The following CCNY variants were observed in gnomAD, a reference collection of about 807,000 sequenced individuals.
CCNY encodes cyclin-Y.
CCNY carries 19 observed loss-of-function variants against 42.8 expected under a neutral mutation model. The observed-to-expected ratio is 0.44, with a 90% confidence interval of 0.31 to 0.65. The LOEUF is 0.65. Ranked by LOEUF, CCNY falls within the 30% of genes least tolerant of loss-of-function variation. The pLI is 0.07. For synonymous variants in CCNY, 165 were observed against 162.7 expected, an observed-to-expected ratio of 1.01 and a Z score of -0.11; for missense variants, 370 against 437.3, an observed-to-expected ratio of 0.85 and a Z score of 1.37.
chr10:35,348,146 A>G (rs1438802173), intron 1 of CCNY, among the ~76,000 whole-genome samples: 2 of 152,212 alleles, frequency 1.3e-5, no homozygotes, highest in African/African-American at 2.4e-5. Flanking sequence ...TAAGCAGTTT[A>G]TATAGCATTA....
At chr10:35,536,098 A>G (rs1032562379) in intron 7 of CCNY, among the ~76,000 whole-genome samples, 6 of 152,110 alleles carry the variant, frequency 3.9e-5, no homozygotes, top group African/African-American at 1.2e-4. Flanking sequence ...AACTCCCATT[A>G]TTGTGGGAGG....
intron 1 of CCNY, among the ~76,000 whole-genome samples, chr10:35,394,164 A>C (rs1837474609): frequency 6.6e-6 from 1 of 152,220 alleles, no homozygotes; most frequent in Non-Finnish European, 1.5e-5. Context: ...GTGGCTAGAA[A>C]TGGCCTTGTG....
intron 3 of CCNY, among the ~76,000 whole-genome samples, chr10:35,503,660 C>T (rs1840156972): frequency 6.6e-6 from 1 of 152,192 alleles, no homozygotes; most frequent in Non-Finnish European, 1.5e-5. Flanking sequence ...GTGCCAGGCT[C>T]TGCTGTAATT....
intron 3 of CCNY, among the ~76,000 whole-genome samples, chr10:35,317,007 G>C (rs1217825196): frequency 6.6e-6 from 1 of 152,096 alleles, no homozygotes; most frequent in Non-Finnish European, 1.5e-5. Context: ...CACCACGCCC[G>C]GCTAATTTTT....
intron 3 of CCNY, among the ~76,000 whole-genome samples, chr10:35,504,453 A>T (rs1022850731): frequency 5.3e-5 from 8 of 152,226 alleles, no homozygotes; most frequent in African/African-American, 1.9e-4. Flanking sequence ...ATTAAGTGAA[A>T]GGAGACCACT....
At chr10:35,380,065 A>G (rs924329026) in intron 1 of CCNY, among the ~76,000 whole-genome samples, 1 of 152,214 alleles carries the variant, frequency 6.6e-6, no homozygotes, top group African/African-American at 2.4e-5. Context: ...ACACTGTCCC[A>G]GATATTGGTT....
chr10:35,366,770 G>T (rs1836816574), intron 1 of CCNY, among the ~76,000 whole-genome samples: 2 of 152,226 alleles, frequency 1.3e-5, no homozygotes, highest in South Asian at 4.1e-4. Flanking sequence ...CAATGTGGTA[G>T]TCACTAGCCA....
chr10:35,542,022 T>C (rs576007923), intron 7 of CCNY, among the ~76,000 whole-genome samples: 1 of 150,398 alleles, frequency 6.6e-6, no homozygotes, highest in Non-Finnish European at 1.5e-5. Context: ...GCATCCCTTT[T>C]CTTCTTTAGG....
chr10:35,290,766 A>ACT, intron 3 of CCNY, among the ~76,000 whole-genome samples: 1 of 152,196 alleles, frequency 6.6e-6, no homozygotes, highest in Non-Finnish European at 1.5e-5. Context: ...GTTCGAAACC[A>ACT]GCATGGGCAA....
chr10:35,323,914 G>A (rs997335075), intron 3 of CCNY, among the ~76,000 whole-genome samples: 1 of 151,944 alleles, frequency 6.6e-6, no homozygotes, highest in Non-Finnish European at 1.5e-5. Context: ...TCGCTACTCA[G>A]GAGGCTGATA....
chr10:35,302,112 G>A (rs1050902748), intron 3 of CCNY, among the ~76,000 whole-genome samples: 2 of 150,318 alleles, frequency 1.3e-5, no homozygotes, highest in Admixed American at 1.3e-4. Flanking sequence ...ACAGGCACAC[G>A]CCACCACGCC....
intron 1 of CCNY, among the ~76,000 whole-genome samples, chr10:35,358,972 C>T (rs554452300): frequency 1.3e-5 from 2 of 152,184 alleles, no homozygotes; most frequent in East Asian, 1.9e-4. Context: ...GGTGAGTGGG[C>T]GCTGACATAG....
chr10:35,352,230 G>A (rs1836444703), intron 1 of CCNY, among the ~76,000 whole-genome samples: 1 of 152,162 alleles, frequency 6.6e-6, no homozygotes, highest in South Asian at 2.1e-4. Flanking sequence ...TAGAGGTTAT[G>A]TAAACACAAT....
At chr10:35,420,067 G>A (rs975839059) in intron 1 of CCNY, among the ~76,000 whole-genome samples, 3 of 151,514 alleles carry the variant, frequency 2.0e-5, no homozygotes, top group Non-Finnish European at 2.9e-5. Context: ...CTTAATTTAG[G>A]TCCTATGTCT....
chr10:35,370,654 A>G (rs1836912355), intron 1 of CCNY, among the ~76,000 whole-genome samples: 1 of 151,834 alleles, frequency 6.6e-6, no homozygotes, highest in African/African-American at 2.4e-5. Flanking sequence ...GAAGTGCCTT[A>G]TATTTCCCTA....
At chr10:35,542,980 A>G in intron 7 of CCNY, among the ~76,000 whole-genome samples, 1 of 152,254 alleles carries the variant, frequency 6.6e-6, no homozygotes, top group Non-Finnish European at 1.5e-5. Flanking sequence ...GGCAAGTGCA[A>G]TACAAATTAT....
At chr10:35,446,805 G>C (rs994960478) in intron 1 of CCNY, among the ~76,000 whole-genome samples, 1 of 152,150 alleles carries the variant, frequency 6.6e-6, no homozygotes, top group Non-Finnish European at 1.5e-5. Flanking sequence ...AGGGCTGTTC[G>C]TTGTTCTCCA....
intron 1 of CCNY, among the ~76,000 whole-genome samples, chr10:35,360,998 T>A (rs1460065989): frequency 6.6e-6 from 1 of 152,018 alleles, no homozygotes; most frequent in South Asian, 2.1e-4. Context: ...GTAGCTGAGA[T>A]TACAGACGCC....
At chr10:35,419,772 A>G (rs775739188) in intron 1 of CCNY, among the ~76,000 whole-genome samples, 5 of 151,292 alleles carry the variant, frequency 3.3e-5, no homozygotes, top group Non-Finnish European at 7.4e-5. Flanking sequence ...GTGTGCATTT[A>G]TGTGTGTGTG....
Sources: gnomAD v4.1 joint callset for allele counts (sites outside exome capture counted in the v4.1 genomes callset) on GRCh38, gnomAD v4.1.1 for gene constraint, MANE v1.5 for transcripts, NCBI Gene and HGNC (gene_info 2026-07-23, HGNC 2026-07-21) for gene names.